Variants in ARHGAP15 observed in about 807,000 individuals in gnomAD.
ARHGAP15 encodes the protein rho GTPase-activating protein 15.
ARHGAP15 carries 51 observed loss-of-function variants against 63.7 expected under a neutral mutation model. The observed-to-expected ratio is 0.80, with a 90% CI of 0.64 to 1.01. The LOEUF is 1.01. Ranked by LOEUF, ARHGAP15 falls within the 50% of genes least tolerant of loss-of-function variation. The pLI, the probability that ARHGAP15 is intolerant of heterozygous loss-of-function variation, is 0.00. For synonymous variants in ARHGAP15, 191 were observed against 193.8 expected (o/e 0.99, Z 0.12); for missense variants, 560 against 564.6 (o/e 0.99, Z 0.08).
At chr2:143,446,667 G>A (rs569238469) in intron 8 of ARHGAP15, among the ~76,000 whole-genome samples, 1 of 151,200 alleles carries the variant, frequency 6.6e-6, no homozygotes, top group Admixed American at 6.6e-5. Flanking sequence ...TAGGGTACAT[G>A]TGCACAATGT....
intron 1 of ARHGAP15, among the ~76,000 whole-genome samples, chr2:143,134,058 A>G (rs552480275): frequency 6.6e-6 from 1 of 152,296 alleles, no homozygotes; most frequent in African/African-American, 2.4e-5. Flanking sequence ...GATGTTTTCA[A>G]GTTTTTCTAA....
chr2:143,432,641 C>T (rs933133951), intron 6 of ARHGAP15, among the ~76,000 whole-genome samples: 3 of 151,998 alleles, frequency 2.0e-5, no homozygotes, highest in African/African-American at 7.2e-5. Context: ...GGACACGCTT[C>T]TATAATTTCC....
chr2:143,714,262 C>T (rs1289433285), intron 13 of ARHGAP15, among the ~76,000 whole-genome samples: 1 of 152,236 alleles, frequency 6.6e-6, no homozygotes, highest in African/African-American at 2.4e-5. Context: ...CCCTCTGAAG[C>T]CACAGCCCAA....
At chr2:143,155,731 G>A (rs1690051739) in intron 2 of ARHGAP15, 76 bp downstream of exon 2, 6 of 1,415,764 alleles carry the variant, frequency 4.2e-6, no homozygotes, top group African/African-American at 1.5e-5. Flanking sequence ...AAGCTAATTA[G>A]TCTTGTTTTA....
intron 11 of ARHGAP15, among the ~76,000 whole-genome samples, chr2:143,562,815 A>G (rs1696085109): frequency 6.6e-6 from 1 of 152,230 alleles, no homozygotes; most frequent in Non-Finnish European, 1.5e-5. Flanking sequence ...AATGCTGAAC[A>G]CAGAGGTCAA....
rs553148382 is a variant in ARHGAP15 at position 143,197,109 on chromosome 2, A to C, written c.166-5025A>C. ...GTTTTTATATCAGATACATTTTAAA[A>C]GTTCTGAGATTGTTGAGGAAGAATT... On this transcript the variant is annotated intron_variant, in intron 2 of 13. Transcript: ENST00000295095. Among the ~76,000 whole-genome samples the C allele has an allele frequency of 2.6e-5, 4 of 152,094 alleles. No individual in the cohort carries two copies. In the East Asian group the frequency reaches 7.7e-4, roughly 29 times the overall value.
intron 13 of ARHGAP15, among the ~76,000 whole-genome samples, chr2:143,725,805 C>T (rs1574896003): frequency 6.6e-6 from 1 of 152,142 alleles, no homozygotes; most frequent in African/African-American, 2.4e-5. Context: ...TCATTAATGC[C>T]GGTGGGGGTT....
At chr2:143,352,049 C>T (rs1685596861) in intron 6 of ARHGAP15, among the ~76,000 whole-genome samples, 1 of 152,048 alleles carries the variant, frequency 6.6e-6, no homozygotes, top group African/African-American at 2.4e-5. Flanking sequence ...AAAGCTTCAC[C>T]CTGAATAACC....
intron 13 of ARHGAP15, among the ~76,000 whole-genome samples, chr2:143,745,139 T>G (rs1559157506): frequency 6.6e-6 from 1 of 152,236 alleles, no homozygotes; most frequent in Non-Finnish European, 1.5e-5. Flanking sequence ...GGAGCTTGCC[T>G]CTCAAGTTCG....
At chr2:143,425,354 G>T (rs1689096799) in intron 6 of ARHGAP15, among the ~76,000 whole-genome samples, 1 of 151,842 alleles carries the variant, frequency 6.6e-6, no homozygotes, top group African/African-American at 2.4e-5. Context: ...TATATAGAGA[G>T]AAATAGAACA....
rs781558666 is a variant in ARHGAP15, at chr2:143,435,664, TG to T, written c.540del (p.Trp180CysfsTer37). ...AGATATTGACTTCATCATATTGGAT[TG>T]GTTCCACGCTATCAAAAATGCAATT... is the stretch of plus-strand genomic sequence containing the variant. ...QSDIDFIILD[W>X]FHAIKNAIDR... On this transcript the variant is annotated frameshift_variant, in exon 7 of 14. Coordinates refer to ENST00000295095, the MANE Select transcript of ARHGAP15 (RefSeq NM_018460.4). LOFTEE classifies it high-confidence loss of function. 2 of 1,609,484 alleles carry T rather than the reference TG, an allele frequency of 1.2e-6. No individual in the cohort carries two copies. Among genetic ancestry groups the T allele is most frequent in the Admixed American group, 1.7e-5 (1 of 59,522 alleles).
intron 12 of ARHGAP15, among the ~76,000 whole-genome samples, chr2:143,653,128 A>C (rs944800165): frequency 2.0e-5 from 3 of 152,126 alleles, no homozygotes; most frequent in African/African-American, 7.2e-5. Context: ...GCATCTACTG[A>C]GATGAACATA....
chr2:143,539,613 A>G (rs1391977535), intron 10 of ARHGAP15, among the ~76,000 whole-genome samples: 1 of 152,072 alleles, frequency 6.6e-6, no homozygotes, highest in Non-Finnish European at 1.5e-5. Flanking sequence ...GAACATCTTT[A>G]TTTCTGCCTT....
chr2:143,421,990 G>T (rs1281575258), intron 6 of ARHGAP15, among the ~76,000 whole-genome samples: 6 of 152,066 alleles, frequency 3.9e-5, no homozygotes, highest in Admixed American at 1.3e-4. Flanking sequence ...GCCATCACCA[G>T]ATTATACCTC....
intron 6 of ARHGAP15, among the ~76,000 whole-genome samples, chr2:143,425,643 A>G (rs1001516255): frequency 6.6e-6 from 1 of 152,000 alleles, no homozygotes; most frequent in Non-Finnish European, 1.5e-5. Context: ...CAGAATTACA[A>G]TTTTTCCACA....
intron 3 of ARHGAP15, among the ~76,000 whole-genome samples, chr2:143,208,664 A>G (rs1044662627): frequency 5.9e-5 from 9 of 152,184 alleles, no homozygotes; most frequent in East Asian, 1.9e-4. Flanking sequence ...AGTTTTGTAC[A>G]TGAATCATCA....
At chr2:143,240,184 TAAAAC>T (rs926833405) in intron 5 of ARHGAP15, among the ~76,000 whole-genome samples, 2 of 150,086 alleles carry the variant, frequency 1.3e-5, no homozygotes, top group African/African-American at 4.9e-5. Flanking sequence ...TCTAAAAAAA[TAAAAC>T]AAAATAAAAT....
intron 6 of ARHGAP15, among the ~76,000 whole-genome samples, chr2:143,254,857 T>A (rs1680340390): frequency 8.3e-6 from 1 of 120,886 alleles, no homozygotes. Flanking sequence ...CAAAACAAAT[T>A]CACTCCTATT....
At chr2:143,216,208 A>T (rs1692750320) in intron 3 of ARHGAP15, among the ~76,000 whole-genome samples, 176 bp from the exon 4 acceptor site, 1 of 152,218 alleles carries the variant, frequency 6.6e-6, no homozygotes, top group Non-Finnish European at 1.5e-5. Flanking sequence ...GATATTTAAC[A>T]GCTTGTAATG....
Sources: gnomAD v4.1 joint callset for allele counts (sites outside exome capture counted in the v4.1 genomes callset) on GRCh38, gnomAD v4.1.1 for gene constraint, MANE v1.5 for transcripts, NCBI Gene and HGNC (gene_info 2026-07-23, HGNC 2026-07-21) for gene names.